The following SMARCA2 variants were observed in gnomAD, a reference collection of about 807,000 sequenced individuals.
SMARCA2 encodes the protein SWI/SNF related BAF chromatin remodeling complex subunit ATPase 2.
In SMARCA2, 61 loss-of-function variants were observed where a neutral mutation model predicts 199.8. The observed-to-expected ratio is 0.31, with a 90% CI of 0.25 to 0.38. The LOEUF (loss-of-function observed/expected upper bound fraction) is 0.38. SMARCA2 is among the 10% of genes least tolerant of loss of function. The pLI, the probability that SMARCA2 is intolerant of heterozygous loss-of-function variation, is 1.00. For missense variants in SMARCA2, 1,344 were observed against 2,012.2 expected (o/e 0.67, Z 6.35); for synonymous variants, 935 against 732.0 (o/e 1.28, Z -4.48).
chr9:2,033,313 C>T (rs1819158992), intron 3 of SMARCA2: 1 of 466,042 alleles, frequency 2.1e-6, no homozygotes. Context: ...TGTGTCCAAG[C>T]AGTCTGCAAA....
chr9:2,093,261 G>A (rs1416164434), intron 19 of SMARCA2, among the ~76,000 whole-genome samples: 1 of 152,244 alleles, frequency 6.6e-6, no homozygotes, highest in African/African-American at 2.4e-5. Context: ...ATGGGTGTAT[G>A]TGTTGGGAAA....
In SMARCA2 at chr9:2,192,687, C is replaced by CTTAT. The variant is rs775818926; in HGVS notation, c.4738-14_4738-11dup. ...ATGTGATGTTACTTCATTTTATCTT[C>CTTAT]TTATTTTTACTTTTAGGAACAGTCA... is the stretch of plus-strand genomic sequence containing the variant. On this transcript the variant is annotated splice_polypyrimidine_tract_variant and intron_variant, in intron 33 of 33. Coordinates refer to ENST00000349721, the MANE Select transcript of SMARCA2 (RefSeq NM_003070.5). 17 of 1,579,098 alleles carry CTTAT rather than the reference C, an allele frequency of 1.1e-5. No homozygotes were observed. The African/African-American group carries it at 2.0e-4, about 19-fold the overall frequency.
At chr9:2,133,787 A>ATT (rs2130659869) in intron 27 of SMARCA2, among the ~76,000 whole-genome samples, 1 of 152,312 alleles carries the variant, frequency 6.6e-6, no homozygotes, top group African/African-American at 2.4e-5. Flanking sequence ...CATCATCATT[A>ATT]TGCCTCAGGG....
At chr9:2,142,800 C>G (rs879916406) in intron 27 of SMARCA2, among the ~76,000 whole-genome samples, 4 of 152,100 alleles carry the variant, frequency 2.6e-5, no homozygotes, top group Admixed American at 6.5e-5. Flanking sequence ...CTCCCTTGAG[C>G]AGTAATCATC....
intron 27 of SMARCA2, among the ~76,000 whole-genome samples, chr9:2,151,093 TG>T (rs1825046026): frequency 6.6e-6 from 1 of 151,470 alleles, no homozygotes; most frequent in Admixed American, 6.6e-5. Context: ...ACACAGACTT[TG>T]GGGCTAACTT....
chr9:2,042,717 CA>C, intron 4 of SMARCA2: 1 of 150,974 alleles, frequency 6.6e-6, no homozygotes. Context: ...AGGTGCCTGT[CA>C]TTAAAGGGAA....
rs575526308 is a variant in SMARCA2, at chr9:2,016,790, C to G, written c.-37+1386C>G. ...GGAGTTTGCTTTATTCCCATCCCAACCTGGTTTACCCCTTCCTTTGCTCTC... is the reference window on the plus strand; with the variant it reads ...GGAGTTTGCTTTATTCCCATCCCAAGCTGGTTTACCCCTTCCTTTGCTCTC... On this transcript the variant is annotated intron_variant, in intron 1 of 33. Coordinates refer to ENST00000349721, the MANE Select transcript of SMARCA2 (RefSeq NM_003070.5). This position sits in a 1 kb window ranked among gnomAD's most constrained non-coding sequence, Gnocchi z 5.6. 6.6e-6 allele frequency among the ~76,000 whole-genome samples: 1 copy of G among 152,228 alleles called. No homozygotes were observed. The highest frequency in any genetic ancestry group is 2.4e-5 in the African/African-American group (1 of 41,468).
chr9:2,137,620 C>T (rs1824262376), intron 27 of SMARCA2, among the ~76,000 whole-genome samples: 1 of 152,206 alleles, frequency 6.6e-6, no homozygotes, highest in Non-Finnish European at 1.5e-5. Context: ...CCTATGTTAA[C>T]TTTCTTCATG....
At chr9:2,052,561 G>C (rs1820169280) in intron 5 of SMARCA2, among the ~76,000 whole-genome samples, 1 of 152,202 alleles carries the variant, frequency 6.6e-6, no homozygotes, top group African/African-American at 2.4e-5. Flanking sequence ...TAATAAATTA[G>C]AACGAATAAC....
In SMARCA2 at chr9:2,033,193, T is replaced by G. The variant is rs921548890; in HGVS notation, c.355+112T>G. The stretch of plus-strand genomic sequence containing the variant: ...GAATGTGTCTAAGGAAGGTTGAACC[T>G]AGTAGGTTTCTTTTCCTTATGGAAA... On this transcript the variant is annotated intron_variant, in intron 3 of 33. Transcript: ENST00000349721. 7 of 1,217,908 alleles carry G rather than the reference T, an allele frequency of 5.7e-6. No homozygotes were observed. In the African/African-American group the frequency reaches 1.1e-4, roughly 19 times the overall value. The allele number at this position is 1,217,908 out of a possible 1,614,324, so 75.4% of individuals were successfully genotyped here. A position where few individuals can be genotyped will look rare whatever the true frequency, so the allele number is the denominator to read the frequency against.
chr9:2,186,809 A>G (rs924867540), intron 32 of SMARCA2, among the ~76,000 whole-genome samples: 1 of 152,236 alleles, frequency 6.6e-6, no homozygotes, highest in African/African-American at 2.4e-5. Context: ...TATAGGCACA[A>G]GCCGCCACAC....
Position 2,047,373 on chromosome 9 carries a change from CG to C in SMARCA2, c.939del (p.Gln314SerfsTer41). ...GGGCCCTCAGTGCCGCAGCCGGCCC[CG>C]GGGCAGCCCTCGCCCGTCCTCCAGC... Reference protein sequence around the residue: ...VPGPSVPQPAPGQPSPVLQLQ... With the variant: ...VPGPSVPQPAXGQPSPVLQLQ... On this transcript the variant is annotated frameshift_variant, in exon 5 of 34. Coordinates refer to ENST00000349721, the MANE Select transcript of SMARCA2 (RefSeq NM_003070.5). LOFTEE classifies it high-confidence loss of function. The C allele has an allele frequency of 1.3e-6, 2 of 1,545,070 alleles. No individual in the cohort carries two copies. Among genetic ancestry groups the C allele is most frequent in the Non-Finnish European group, 1.7e-6 (2 of 1,146,426 alleles).
intron 18 of SMARCA2, 29 bp from the exon 19 acceptor site, chr9:2,088,471 A>G (rs764787023): frequency 6.4e-7 from 1 of 1,554,732 alleles, no homozygotes; most frequent in African/African-American, 1.4e-5. Context: ...TCTTTAAAAA[A>G]TCAAATTCAT....
chr9:2,095,300 G>A (rs1822228596), intron 19 of SMARCA2, among the ~76,000 whole-genome samples: 1 of 151,964 alleles, frequency 6.6e-6, no homozygotes, highest in Non-Finnish European at 1.5e-5. Flanking sequence ...TGGTCAGGCT[G>A]GTCTGGAACT....
intron 27 of SMARCA2, among the ~76,000 whole-genome samples, chr9:2,145,304 CAAAAAAA>C (rs56314428): frequency 1.5e-5 from 2 of 132,362 alleles, no homozygotes; most frequent in Admixed American, 7.8e-5. Flanking sequence ...ACTCTTGTCT[CAAAAAAA>C]AAAAAAAAAA....
At chr9:2,117,769 C>T (rs893476728) in intron 25 of SMARCA2, among the ~76,000 whole-genome samples, 3 of 152,198 alleles carry the variant, frequency 2.0e-5, no homozygotes, top group African/African-American at 7.2e-5. Context: ...AGTTGTCCTG[C>T]CATCAAGGCT....
chr9:2,017,106 A>T lies in SMARCA2; in HGVS notation c.-37+1702A>T, dbSNP rs551805152. On this transcript the variant is annotated intron_variant, in intron 1 of 33. Transcript: ENST00000349721. The surrounding 1 kb of genome is among the most constrained non-coding windows in gnomAD (Gnocchi z 8.8). Reference sequence around the variant, plus strand: ...GGCCGGTTTCCGGTACACGCGGGGAAATCGCCTCCTGCCAGTGTCTGATCG... The same window carrying T: ...GGCCGGTTTCCGGTACACGCGGGGATATCGCCTCCTGCCAGTGTCTGATCG... 7.9e-5 allele frequency: 12 copies of T among 152,298 alleles called. No homozygotes were observed. The East Asian group carries it at 2.1e-3, about 27-fold the overall frequency. The allele number at this position is 152,298 out of a possible 1,614,324, so 9.4% of individuals were successfully genotyped here.
At chr9:2,184,526 A>G (rs555297891) in intron 31 of SMARCA2, among the ~76,000 whole-genome samples, 1 of 150,560 alleles carries the variant, frequency 6.6e-6, no homozygotes, top group Non-Finnish European at 1.5e-5. Context: ...TAATTTTTGT[A>G]TTTTTTTTAG....
rs3057852 is a variant in SMARCA2, at chr9:2,082,306, G to GGTGT, written c.2348+353_2348+356dup. On this transcript the variant is annotated intron_variant, in intron 15 of 33. Coordinates refer to ENST00000349721, the MANE Select transcript of SMARCA2 (RefSeq NM_003070.5). ...CCTTAAGTGGCTCACAAAGGGGAAA[G>GGTGT]GTGTGTGTGTGTGTGTGTGTGTGTG... 7.2e-3 allele frequency among the ~76,000 whole-genome samples: 878 copies of GGTGT among 121,828 alleles called. 2 individuals are homozygous for GGTGT. Among genetic ancestry groups the GGTGT allele is most frequent in the East Asian group, 0.013 (52 of 4,112 alleles). 79.9% of individuals were successfully genotyped at this position (121,828 alleles called of 152,430 possible). A position where few individuals can be genotyped will look rare whatever the true frequency, so the allele number is the denominator to read the frequency against.
Sources: allele counts gnomAD v4.1 joint callset (sites outside exome capture counted in the v4.1 genomes callset), GRCh38; gene constraint gnomAD v4.1.1; non-coding constraint Gnocchi (gnomAD v3.1); transcripts MANE v1.5; gene names NCBI Gene and HGNC (gene_info 2026-07-23, HGNC 2026-07-21).